Variants in SLC4A4 observed in about 807,000 individuals in gnomAD.
The protein encoded by SLC4A4 is electrogenic sodium bicarbonate cotransporter 1.
In SLC4A4, 27 loss-of-function variants were observed where a neutral mutation model predicts 111.5. The observed-to-expected ratio is 0.24, with a 90% CI of 0.18 to 0.33. The LOEUF (loss-of-function observed/expected upper bound fraction) is 0.33, where lower values mean the gene tolerates loss of function less well. Among genes scored for constraint, SLC4A4 ranks in the 10% least tolerant of loss-of-function variants. SLC4A4 has a pLI of 1.00. For synonymous variants in SLC4A4, 443 were observed against 463.4 expected (o/e 0.96, Z 0.57); for missense variants, 909 against 1,315.5 (o/e 0.69, Z 4.78).
At chr4:71,470,345 CCTT>C (rs1404833567) in intron 13 of SLC4A4, among the ~76,000 whole-genome samples, 1 of 151,990 alleles carries the variant, frequency 6.6e-6, no homozygotes, top group African/African-American at 2.4e-5. Flanking sequence ...TTAATAATCT[CCTT>C]CTTCGGTAAT....
chr4:71,219,737 C>T (rs1308041160), intron 1 of SLC4A4, among the ~76,000 whole-genome samples: 1 of 151,864 alleles, frequency 6.6e-6, no homozygotes, highest in Non-Finnish European at 1.5e-5. Flanking sequence ...AAAATATCTA[C>T]AGAAACAGAA....
At chr4:71,550,000 T>C (rs1735847349) in intron 20 of SLC4A4, among the ~76,000 whole-genome samples, 2 of 151,872 alleles carry the variant, frequency 1.3e-5, no homozygotes, top group Non-Finnish European at 2.9e-5. Context: ...TGACCTTCCT[T>C]AATTGATCCA....
At chr4:71,241,501 C>G (rs1720218409) in intron 2 of SLC4A4, among the ~76,000 whole-genome samples, 1 of 151,768 alleles carries the variant, frequency 6.6e-6, no homozygotes. Flanking sequence ...GTATTTTTTT[C>G]TAAAAAAACT....
intron 12 of SLC4A4, among the ~76,000 whole-genome samples, chr4:71,459,395 A>G (rs1348309816): frequency 6.6e-6 from 1 of 152,056 alleles, no homozygotes; most frequent in Non-Finnish European, 1.5e-5. Context: ...ATTGATCATT[A>G]TTAACATTGT....
Position 71,539,007 on chromosome 4 carries a change from G to A in SLC4A4, c.2442+4619G>A, listed in dbSNP as rs146298096. ...ATTTCGAGAGTGTTATAGATTGGGG[G>A]TAGGAGGGAGAAATAATTTAGGATA... On this transcript the variant is annotated intron_variant, in intron 18 of 25. Coordinates refer to ENST00000264485, the MANE Select transcript of SLC4A4 (RefSeq NM_001098484.3). 3.2e-3 allele frequency among the ~76,000 whole-genome samples: 484 copies of A among 152,186 alleles called. 4 individuals are homozygous for A. The highest frequency in any genetic ancestry group is 0.011 in the African/African-American group (448 of 41,550).
Position 71,382,184 on chromosome 4 carries a change from C to CAA in SLC4A4, c.731-15382_731-15381dup, listed in dbSNP as rs574563111. The stretch of plus-strand genomic sequence containing the variant: ...TAATTTTTATAGTTCATTGATTTTC[C>CAA]AAAAAAAAAAAATCAATGATGTGAT... On this transcript the variant is annotated intron_variant, in intron 6 of 25. Transcript: ENST00000264485. 5.6e-5 allele frequency among the ~76,000 whole-genome samples: 8 copies of CAA among 141,814 alleles called. No individual in the cohort carries two copies. In the South Asian group the frequency reaches 1.6e-3, roughly 28 times the overall value. 93.0% of individuals were successfully genotyped at this position (141,814 alleles called of 152,430 possible). A position where few individuals can be genotyped will look rare whatever the true frequency, so the allele number is the denominator to read the frequency against.
chr4:71,447,080 A>G (rs1309019019), intron 8 of SLC4A4, among the ~76,000 whole-genome samples: 6 of 152,200 alleles, frequency 3.9e-5, no homozygotes, highest in African/African-American at 1.4e-4. Flanking sequence ...CTTTATTTTG[A>G]ATTTCTCTCA....
At chr4:71,107,684 T>C (rs7675902) in intron 2 of SLC4A4, among the ~76,000 whole-genome samples, 151,569 of 151,724 alleles carry the variant, frequency 1, 75,707 homozygotes, top group Middle Eastern at 1. Context: ...ATTTTAATCC[T>C]TTCTCATTTC....
At chr4:71,295,281 C>T (rs1724699098) in intron 3 of SLC4A4, among the ~76,000 whole-genome samples, 1 of 152,134 alleles carries the variant, frequency 6.6e-6, no homozygotes. Context: ...TCTCTCTATA[C>T]TTACAAATGG....
chr4:71,358,549 C>T (rs1333054292), intron 6 of SLC4A4, among the ~76,000 whole-genome samples: 4 of 152,084 alleles, frequency 2.6e-5, no homozygotes, highest in Admixed American at 2.6e-4. Flanking sequence ...TTAGGCAAAA[C>T]TGGTTATGTG....
chr4:71,307,739 G>A (rs954656578), intron 3 of SLC4A4, among the ~76,000 whole-genome samples: 21 of 152,224 alleles, frequency 1.4e-4, no homozygotes, highest in African/African-American at 4.6e-4. Context: ...CAAAATAAAT[G>A]TTGAGTACAC....
chr4:71,142,715 A>G (rs1483763915), intron 2 of SLC4A4, among the ~76,000 whole-genome samples: 1 of 149,750 alleles, frequency 6.7e-6, no homozygotes, highest in Non-Finnish European at 1.5e-5. Flanking sequence ...TAGTAGAGTG[A>G]ATGCAACTCT....
At chr4:71,314,052 G>A (rs1219784695) in intron 3 of SLC4A4, among the ~76,000 whole-genome samples, 4 of 151,666 alleles carry the variant, frequency 2.6e-5, no homozygotes, top group African/African-American at 7.3e-5. Flanking sequence ...GAATCTACAA[G>A]GAACTTAAAC....
intron 2 of SLC4A4, among the ~76,000 whole-genome samples, chr4:71,119,054 T>C (rs758737789): frequency 6.6e-6 from 1 of 152,202 alleles, no homozygotes; most frequent in Non-Finnish European, 1.5e-5. Context: ...ATGTAAACTA[T>C]GGAATCTGGG....
In SLC4A4 at chr4:71,073,893, G is replaced by A. The variant is rs533306899; in HGVS notation, c.-65+11105G>A. Among the ~76,000 whole-genome samples the A allele has an allele frequency of 8.0e-4, 122 of 152,080 alleles. 4 individuals carry two copies. The South Asian group carries it at 0.025, about 31-fold the overall frequency. ...GAGCTCAGGAGTTCAAGATCAGCCTGGGCAATATGGCGAAAACCTGTCTCT... is the reference window on the plus strand; with the variant it reads ...GAGCTCAGGAGTTCAAGATCAGCCTAGGCAATATGGCGAAAACCTGTCTCT... On this transcript the variant is annotated intron_variant, in intron 1 of 26. Transcript: ENST00000649996.
chr4:71,291,317 C>T (rs564927229), intron 3 of SLC4A4, among the ~76,000 whole-genome samples: 1 of 152,042 alleles, frequency 6.6e-6, no homozygotes, highest in Non-Finnish European at 1.5e-5. Context: ...TACCCTAAAA[C>T]TTAAAGTATA....
intron 2 of SLC4A4, among the ~76,000 whole-genome samples, chr4:71,115,706 A>C (rs1163401163): frequency 6.6e-6 from 1 of 152,230 alleles, no homozygotes; most frequent in Admixed American, 6.5e-5. Context: ...GAATTCAGTA[A>C]ACTGCATATT....
At chr4:71,142,026 A>G (rs979023966) in intron 2 of SLC4A4, among the ~76,000 whole-genome samples, 1 of 152,254 alleles carries the variant, frequency 6.6e-6, no homozygotes, top group South Asian at 2.1e-4. Flanking sequence ...TGGGGAATAC[A>G]AAATTGCATC....
chr4:71,146,175 A>C (rs1744161051), intron 2 of SLC4A4, among the ~76,000 whole-genome samples: 1 of 152,212 alleles, frequency 6.6e-6, no homozygotes, highest in Non-Finnish European at 1.5e-5. Flanking sequence ...TTCAAAGAAC[A>C]TCTTTATTTC....
Sources: gnomAD v4.1 joint callset for allele counts (sites outside exome capture counted in the v4.1 genomes callset) on GRCh38, gnomAD v4.1.1 for gene constraint, MANE v1.5 for transcripts, NCBI Gene and HGNC (gene_info 2026-07-23, HGNC 2026-07-21) for gene names.